The following NECAP2 variants were observed in gnomAD, a reference collection of about 807,000 sequenced individuals.
The protein encoded by NECAP2 is NECAP endocytosis associated 2, also known as adaptin ear-binding coat-associated protein 2.
A neutral mutation model predicts 37.8 loss-of-function variants in NECAP2; 38 were observed. That is an observed-to-expected ratio of 1.01 (90% CI 0.78 to 1.32). The LOEUF is 1.32. Ranked by LOEUF, NECAP2 falls within the 40% of genes most tolerant of loss-of-function variation. The pLI, the probability that NECAP2 is intolerant of heterozygous loss-of-function variation, is 0.00. For synonymous variants in NECAP2, 121 were observed against 127.7 expected (o/e 0.95, Z 0.35); for missense variants, 316 against 334.5 (o/e 0.94, Z 0.43).
chr1:16,450,001 T>A, intron 5 of NECAP2: 1 of 321,404 alleles, frequency 3.1e-6, no homozygotes, highest in South Asian at 2.5e-5. Context: ...TTGCTAGGAA[T>A]ACTGTGTTGA....
At chr1:16,448,446 A>T (rs1557687875) in intron 4 of NECAP2, 1 of 409,616 alleles carries the variant, frequency 2.4e-6, no homozygotes, top group Non-Finnish European at 4.5e-6. Flanking sequence ...CTGCTCCTCC[A>T]TGTAATCAAT....
At chr1:16,441,805 T>C (rs1339706727) in intron 1 of NECAP2, among the ~76,000 whole-genome samples, 3 of 152,202 alleles carry the variant, frequency 2.0e-5, no homozygotes, top group South Asian at 2.1e-4. Context: ...TACCGTGGGC[T>C]CATAGCTGAT....
chr1:16,458,816 C>G (rs2086967030), intron 7 of NECAP2, 26 bp from the exon 8 acceptor site: 1 of 1,612,408 alleles, frequency 6.2e-7, no homozygotes, highest in Non-Finnish European at 8.5e-7. Flanking sequence ...TGAACTCCCC[C>G]ACCCTTCCCT....
At chr1:16,445,014 C>T (rs1042845444) in intron 2 of NECAP2, among the ~76,000 whole-genome samples, 2 of 152,088 alleles carry the variant, frequency 1.3e-5, no homozygotes, top group African/African-American at 4.8e-5. Flanking sequence ...TTAGTAGAGA[C>T]GGGGTTTCAC....
Position 16,440,841 on chromosome 1 carries a change from A to G in NECAP2, c.80A>G (p.Asn27Ser). 1.2e-6 allele frequency: 2 copies of G among 1,613,988 alleles called. No homozygotes were observed. The highest frequency in any genetic ancestry group is 1.1e-5 in the South Asian group (1 of 91,080). ...HVYRIPPRAT[N>S]RGYRAAEWQL... ...TACCGCATCCCTCCGCGGGCTACCAACCGTGGCTACAGGTGACTACCCACC... is the reference window on the plus strand; with the variant it reads ...TACCGCATCCCTCCGCGGGCTACCAGCCGTGGCTACAGGTGACTACCCACC... Residue 27 changes from asparagine (N) to serine (S), a missense_variant, in exon 1 of 8, where the codon AAC becomes AGC. Asn to Ser is a conservative substitution (Grantham distance 46). Around this residue, in one of 3 missense-constraint regions of NECAP2, gnomAD observed 81 missense variants for 124.2 expected, o/e 0.65. Coordinates refer to ENST00000337132, the MANE Select transcript of NECAP2 (RefSeq NM_018090.5).
intron 2 of NECAP2, among the ~76,000 whole-genome samples, chr1:16,445,489 T>C (rs1414483372): frequency 6.6e-6 from 1 of 152,182 alleles, no homozygotes; most frequent in East Asian, 1.9e-4. Context: ...TCACCCCTGA[T>C]TGAGAACTAC....
chr1:16,443,109 A>C (rs1050241510), intron 1 of NECAP2, among the ~76,000 whole-genome samples: 8 of 152,202 alleles, frequency 5.3e-5, no homozygotes, highest in Non-Finnish European at 1.2e-4. Flanking sequence ...TGCTGCAGTC[A>C]AGCAGTGTCA....
chr1:16,446,968 G>C (rs1008153626), intron 2 of NECAP2, among the ~76,000 whole-genome samples: 4 of 151,896 alleles, frequency 2.6e-5, no homozygotes, highest in African/African-American at 7.3e-5. Context: ...GCTGAGGCAG[G>C]AGAATCACTT....
chr1:16,458,462 G>A (rs983843064), intron 7 of NECAP2, among the ~76,000 whole-genome samples: 23 of 151,998 alleles, frequency 1.5e-4, no homozygotes, highest in African/African-American at 4.8e-4. Context: ...AAAATTAACC[G>A]GTCATGTAGT....
intron 1 of NECAP2, among the ~76,000 whole-genome samples, chr1:16,442,936 CA>C (rs1157967803): frequency 6.6e-6 from 1 of 152,154 alleles, no homozygotes; most frequent in East Asian, 1.9e-4. Flanking sequence ...AAATTAGAGC[CA>C]AAAGAGGCAT....
rs141636841 is a variant in NECAP2 at position 16,451,975 on chromosome 1, G to C, written c.627G>C (p.Val209=). 2.3e-5 allele frequency: 37 copies of C among 1,607,638 alleles called. No homozygotes were observed. Among genetic ancestry groups the C allele is most frequent in the Middle Eastern group, 1.7e-4 (1 of 6,000 alleles). The change falls in exon 6 of 8, where the codon GTG becomes GTC. Residue 209 remains valine (V), a synonymous_variant. Transcript: ENST00000337132. ...LIPPPGEQLA[V]GGSLVQPAVA... is the part of the protein sequence containing the mutation. ...CTCCCCCTGGGGAGCAGTTGGCTGT[G>C]GGGGGATCCCTCGTCCAGCCAGCAG...
At chr1:16,455,562 ACC>A (rs1478598621) in intron 6 of NECAP2, 4 of 474,632 alleles carry the variant, frequency 8.4e-6, no homozygotes, top group African/African-American at 5.8e-5. Context: ...TCCCGCGGGC[ACC>A]CCTCGTTCCA....
intron 5 of NECAP2, 32 bp from the exon 6 acceptor site, chr1:16,451,806 C>A (rs374166474): frequency 6.2e-7 from 1 of 1,613,098 alleles, no homozygotes; most frequent in South Asian, 1.1e-5. Context: ...TCCAGCAGAA[C>A]GGGCTGATTT....
At chr1:16,453,042 G>A (rs915009225) in intron 6 of NECAP2, among the ~76,000 whole-genome samples, 4 of 152,090 alleles carry the variant, frequency 2.6e-5, no homozygotes, top group African/African-American at 7.2e-5. Flanking sequence ...ATTTCTCAGA[G>A]TGGGGTCATA....
In NECAP2 at chr1:16,443,576, T is replaced by C. The variant is rs896542204; in HGVS notation, c.93-56T>C. 9.7e-6 allele frequency: 13 copies of C among 1,333,582 alleles called. No homozygotes were observed. The African/African-American group carries it at 1.0e-4, about 10-fold the overall frequency. 82.6% of individuals were successfully genotyped at this position (1,333,582 alleles called of 1,614,324 possible). On this transcript the variant is annotated intron_variant, in intron 1 of 7. Coordinates refer to ENST00000337132, the MANE Select transcript of NECAP2 (RefSeq NM_018090.5). ...TAAGCAGCCCTTTCCATTCCCAGCA[T>C]TGGGGTCACACAGCAGGAGCCTCTG... is the stretch of plus-strand genomic sequence containing the variant.
Position 16,459,146 on chromosome 1 carries a change from T to C in NECAP2, c.*256T>C. On this transcript the variant is annotated 3_prime_UTR_variant, in exon 8 of 8. Coordinates refer to ENST00000337132, the MANE Select transcript of NECAP2 (RefSeq NM_018090.5). ...CCAGGATCCCTGTCCCCATCTGTCC[T>C]CTTGATGTGAGAGAGACTCTGAGAC... is the stretch of plus-strand genomic sequence containing the variant. The C allele has an allele frequency of 1.4e-6, 1 of 712,062 alleles. No individual in the cohort carries two copies. The highest frequency in any genetic ancestry group is 2.8e-5 in the East Asian group (1 of 35,640). The allele number at this position is 712,062 out of a possible 1,614,324, so 44.1% of individuals were successfully genotyped here.
chr1:16,459,091 A>G lies in NECAP2; in HGVS notation c.*201A>G, dbSNP rs1292135928. On this transcript the variant is annotated 3_prime_UTR_variant, in exon 8 of 8. Transcript: ENST00000337132. ...TCACACTGTTTCCTGGGATTCAAGTATGCAACCAGAACACAGGAGAAGAAA... is the reference window on the plus strand; with the variant it reads ...TCACACTGTTTCCTGGGATTCAAGTGTGCAACCAGAACACAGGAGAAGAAA... The G allele has an allele frequency of 8.1e-7, 1 of 1,237,088 alleles. No homozygotes were observed. The highest frequency in any genetic ancestry group is 1.5e-5 in the African/African-American group (1 of 65,500). 76.6% of individuals were successfully genotyped at this position (1,237,088 alleles called of 1,614,324 possible).
At chr1:16,456,507 C>T (rs1043257284) in intron 7 of NECAP2, among the ~76,000 whole-genome samples, 1 of 152,156 alleles carries the variant, frequency 6.6e-6, no homozygotes, top group Non-Finnish European at 1.5e-5. Context: ...GTACCTCCTT[C>T]TTCTATACCC....
At chr1:16,442,698 T>C (rs1325927049) in intron 1 of NECAP2, among the ~76,000 whole-genome samples, 3 of 152,168 alleles carry the variant, frequency 2.0e-5, no homozygotes, top group Non-Finnish European at 4.4e-5. Context: ...GAAGCCTCGG[T>C]GGAAGGATCC....
Sources: gnomAD v4.1 joint callset for allele counts (sites outside exome capture counted in the v4.1 genomes callset) on GRCh38, gnomAD v4.1.1 for gene constraint, gnomAD v4.1.1 regional missense constraint, MANE v1.5 for transcripts, NCBI Gene and HGNC (gene_info 2026-07-23, HGNC 2026-07-21) for gene names.